PKD1L3: variants seen among roughly 807,000 people sequenced by gnomAD.
PKD1L3 encodes polycystin-1-like protein 3.
PKD1L3 carries 239 observed loss-of-function variants against 184.1 expected under a neutral mutation model. That is an observed-to-expected ratio of 1.30 (90% confidence interval 1.17 to 1.45). The LOEUF (loss-of-function observed/expected upper bound fraction) is 1.45. Ranked by LOEUF, PKD1L3 falls within the 40% of genes most tolerant of loss-of-function variation. PKD1L3 has a pLI of 0.00. For synonymous variants in PKD1L3, 996 were observed against 778.8 expected (o/e 1.28, Z -4.64); for missense variants, 2,660 against 2,067.2 (o/e 1.29, Z -5.56).
rs1257645200 is a variant in PKD1L3, at chr16:71,930,031, G to GT, written c.5058+20dup. On this transcript the variant is annotated intron_variant, in intron 29 of 29. Transcript: ENST00000620267. Reference sequence around the variant, plus strand: ...TTCCCAGTGATATAACAGCATGCTAGTTTATCTTTTAGTTACCTACCTTAA... The same window carrying GT: ...TTCCCAGTGATATAACAGCATGCTAGTTTTATCTTTTAGTTACCTACCTTAA... 4 of 1,542,752 alleles carry GT rather than the reference G, an allele frequency of 2.6e-6. No individual in the cohort carries two copies. The East Asian group carries it at 9.8e-5, about 38-fold the overall frequency.
chr16:71,930,281 A>G, intron 28 of PKD1L3, 98 bp from the exon 29 acceptor site: 1 of 1,272,046 alleles, frequency 7.9e-7, no homozygotes, highest in Non-Finnish European at 1.0e-6. Context: ...ATCAGAAGAA[A>G]AGCTTATCCG....
At chr16:71,930,967 A>C (rs553696310) in intron 28 of PKD1L3, 31 of 152,334 alleles carry the variant, frequency 2.0e-4, no homozygotes, top group African/African-American at 7.5e-4. Flanking sequence ...CTACTTAAAA[A>C]TGATTATTAT....
At chr16:71,951,543 C>G (rs754498684) in intron 19 of PKD1L3, 21 bp downstream of exon 19, 18 of 1,535,234 alleles carry the variant, frequency 1.2e-5, no homozygotes, top group Admixed American at 4.1e-5. Context: ...AGATTCGTTA[C>G]TGAAATCTAC....
At chr16:71,989,375 A>C (rs1597373651) in intron 4 of PKD1L3, among the ~76,000 whole-genome samples, 2 of 151,990 alleles carry the variant, frequency 1.3e-5, no homozygotes, top group East Asian at 3.9e-4. Context: ...CTGGTCTCGA[A>C]CTCCCGACCT....
intron 24 of PKD1L3, among the ~76,000 whole-genome samples, chr16:71,941,640 A>G (rs1229560015): frequency 7.2e-6 from 1 of 138,636 alleles, no homozygotes; most frequent in African/African-American, 2.8e-5. Context: ...GCTGGAGAGC[A>G]GTGGCACCGT....
intron 16 of PKD1L3, among the ~76,000 whole-genome samples, chr16:71,955,466 C>A (rs2039008533): frequency 6.6e-6 from 1 of 151,032 alleles, no homozygotes; most frequent in Non-Finnish European, 1.5e-5. Flanking sequence ...TGTATATAAA[C>A]ACACACACAT....
intron 29 of PKD1L3, 44 bp from the exon 30 acceptor site, chr16:71,929,722 T>G: frequency 1.4e-6 from 2 of 1,474,932 alleles, no homozygotes; most frequent in African/African-American, 2.9e-5. Flanking sequence ...AAATTGAAAT[T>G]ACTGCTAATA....
chr16:71,935,963 G>A (rs1399445789), intron 25 of PKD1L3, among the ~76,000 whole-genome samples: 1 of 151,054 alleles, frequency 6.6e-6, no homozygotes, highest in Non-Finnish European at 1.5e-5. Flanking sequence ...GCCCGGCTAA[G>A]TTTTGTATTT....
chr16:71,953,074 G>A lies in PKD1L3; in HGVS notation c.2829C>T (p.Ala943=). ...RDEQMRPFAV[A]WSELLVSIHT... is the part of the protein sequence containing the mutation. ...GGATGCTGACCAGCAGTTCAGACCA[G>A]GCCACAGCAAATGGACGCACTGAAA... Residue 943 remains alanine (A), a synonymous_variant, in exon 18 of 30, where the codon GCC becomes GCT. Transcript: ENST00000620267. The A allele has an allele frequency of 6.8e-7, 1 of 1,475,094 alleles. No homozygotes were observed. Among genetic ancestry groups the A allele is most frequent in the Non-Finnish European group, 9.0e-7 (1 of 1,114,684 alleles). 91.4% of individuals were successfully genotyped at this position (1,475,094 alleles called of 1,614,324 possible). A position where few individuals can be genotyped will look rare whatever the true frequency, so the allele number is the denominator to read the frequency against.
chr16:71,993,593 T>A (rs762544591), intron 2 of PKD1L3, among the ~76,000 whole-genome samples: 26 of 152,174 alleles, frequency 1.7e-4, no homozygotes. Flanking sequence ...TGTTCCATTA[T>A]TGGAACACTA....
chr16:71,930,318 G>C lies in PKD1L3; in HGVS notation c.4927-135C>G, dbSNP rs961408699. On this transcript the variant is annotated intron_variant, in intron 28 of 29. Transcript: ENST00000620267. ...AGGAAACTTAGGGAGAGAGTCAAAA[G>C]ATAATAAGAAGGAAAATACTTTTAA... is the stretch of plus-strand genomic sequence containing the variant. 1.5e-5 allele frequency: 13 copies of C among 871,874 alleles called. No homozygotes were observed. In the African/African-American group the frequency reaches 2.2e-4, roughly 15 times the overall value. 54.0% of individuals were successfully genotyped at this position (871,874 alleles called of 1,614,324 possible).
chr16:71,968,047 A>C, intron 13 of PKD1L3, 40 bp from the exon 14 acceptor site: 2 of 1,472,766 alleles, frequency 1.4e-6, no homozygotes, highest in Non-Finnish European at 1.9e-6. Context: ...CTAGGCCTCC[A>C]CTTGGTATAG....
intron 27 of PKD1L3, 131 bp downstream of exon 27, chr16:71,933,784 G>T: frequency 1.0e-6 from 1 of 986,656 alleles, no homozygotes; most frequent in Non-Finnish European, 1.5e-6. Context: ...GTTAAGTGTG[G>T]AACTAGATCT....
In PKD1L3 at chr16:71,990,181, T is replaced by C. The variant is rs1331532741; in HGVS notation, c.585+99A>G. On this transcript the variant is annotated intron_variant, in intron 4 of 29. Transcript: ENST00000620267. ...CTTTATTTTCCTTATTAGAAAACTATATTCAGAACACTCTACAAGATAGAG... is the reference window on the plus strand; with the variant it reads ...CTTTATTTTCCTTATTAGAAAACTACATTCAGAACACTCTACAAGATAGAG... 3 of 1,016,962 alleles carry C rather than the reference T, an allele frequency of 2.9e-6. No individual in the cohort carries two copies. The East Asian group carries it at 9.6e-5, about 32-fold the overall frequency. 63.0% of individuals were successfully genotyped at this position (1,016,962 alleles called of 1,614,324 possible).
Position 71,967,214 on chromosome 16 carries a change from A to C in PKD1L3, c.2388T>G (p.Leu796=). The change falls in exon 15 of 30, where the codon CTT becomes CTG. Residue 796 remains leucine (L), a synonymous_variant. Transcript: ENST00000620267. ...TCCCTAGAGAGGTCCAAGTGGTGAG[A>C]AGGAAGACATCCAGGCCCCCTCGTT... The part of the protein sequence containing the change: ...VFERGGLDVF[L]LTTWTSLGNL... 4 of 1,551,714 alleles carry C rather than the reference A, an allele frequency of 2.6e-6. No individual in the cohort carries two copies. The highest frequency in any genetic ancestry group is 3.5e-6 in the Non-Finnish European group (4 of 1,146,954).
chr16:71,977,472 A>T lies in PKD1L3; in HGVS notation c.1528-5T>A, dbSNP rs763600860. The T allele has an allele frequency of 5.9e-6, 9 of 1,531,898 alleles. No homozygotes were observed. In the East Asian group the frequency reaches 1.5e-4, roughly 25 times the overall value. 94.9% of individuals were successfully genotyped at this position (1,531,898 alleles called of 1,614,324 possible). A position where few individuals can be genotyped will look rare whatever the true frequency, so the allele number is the denominator to read the frequency against. On this transcript the variant is annotated splice_polypyrimidine_tract_variant and splice_region_variant and intron_variant, in intron 10 of 29. Coordinates refer to ENST00000620267, the MANE Select transcript of PKD1L3 (RefSeq NM_181536.2). Reference sequence around the variant, plus strand: ...AACATTTCTCCAGAGCATGATCTAGAATAAGAGACAGTTAATCATTATAAT... The same window carrying T: ...AACATTTCTCCAGAGCATGATCTAGTATAAGAGACAGTTAATCATTATAAT...
intron 3 of PKD1L3, among the ~76,000 whole-genome samples, chr16:71,990,763 GGAAGGAAAA>G (rs2040559506): frequency 6.6e-6 from 1 of 150,802 alleles, no homozygotes; most frequent in Admixed American, 6.6e-5. Context: ...ATAAAGGTAA[GGAAGGAAAA>G]GACAAAAGGG....
Position 71,999,924 on chromosome 16 carries a change from G to C in PKD1L3, c.55C>G (p.Leu19Val). Reference protein sequence around the residue: ...LWLYIRTSIILGSELNSPAPH... With the variant: ...LWLYIRTSIIVGSELNSPAPH... Reference sequence around the variant, plus strand: ...GCTGGGCTGTTTAGCTCACTTCCTAGAATAATACTTGTTCTGATGTATAAC... The same window carrying C: ...GCTGGGCTGTTTAGCTCACTTCCTACAATAATACTTGTTCTGATGTATAAC... Residue 19 changes from leucine to valine, a missense_variant, in exon 1 of 30, where the codon CTA becomes GTA. Coordinates refer to ENST00000620267, the MANE Select transcript of PKD1L3 (RefSeq NM_181536.2). 2 of 1,550,316 alleles carry C rather than the reference G, an allele frequency of 1.3e-6. No homozygotes were observed. The highest frequency in any genetic ancestry group is 1.4e-5 in the African/African-American group (1 of 73,116).
intron 16 of PKD1L3, among the ~76,000 whole-genome samples, chr16:71,956,365 T>A (rs565926970): frequency 6.6e-6 from 1 of 151,948 alleles, no homozygotes; most frequent in South Asian, 2.1e-4. Context: ...GGCTAATTTT[T>A]GTATTTTTAG....
Sources: gnomAD v4.1 joint callset for allele counts (sites outside exome capture counted in the v4.1 genomes callset) on GRCh38, gnomAD v4.1.1 for gene constraint, MANE v1.5 for transcripts, NCBI Gene and HGNC (gene_info 2026-07-23, HGNC 2026-07-21) for gene names.